The following GRAMD1C variants were observed in gnomAD, a reference collection of about 807,000 sequenced individuals.
The protein encoded by GRAMD1C is GRAM domain containing 1C.
In GRAMD1C, 89 loss-of-function variants were observed where a neutral mutation model predicts 97.8. That is an observed-to-expected ratio of 0.91 (90% CI 0.77 to 1.09). GRAMD1C has a LOEUF of 1.09. GRAMD1C is among the 50% of genes least tolerant of loss of function. The pLI, the probability that GRAMD1C is intolerant of heterozygous loss-of-function variation, is 0.00. For synonymous variants in GRAMD1C, 256 were observed against 267.0 expected (o/e 0.96, Z 0.40); for missense variants, 740 against 766.4 (o/e 0.97, Z 0.41).
intron 6 of GRAMD1C, among the ~76,000 whole-genome samples, chr3:113,899,126 A>C (rs941541143): frequency 6.6e-6 from 1 of 152,146 alleles, no homozygotes; most frequent in Admixed American, 6.5e-5. Flanking sequence ...GTCTATATTT[A>C]TCTCTACTAT....
chr3:113,885,462 G>A, intron 6 of GRAMD1C: 1 of 1,590,208 alleles, frequency 6.3e-7, no homozygotes, highest in South Asian at 1.1e-5. Flanking sequence ...CCCGGAATTG[G>A]CTAGCCCAGG....
intron 3 of GRAMD1C, among the ~76,000 whole-genome samples, chr3:113,871,025 A>ACG (rs1934790802): frequency 2.2e-4 from 1 of 4,512 alleles, no homozygotes; most frequent in African/African-American, 3.5e-4. Context: ...ACACACACAG[A>ACG]GGAATATTAA....
chr3:113,912,026 C>T (rs1936620959), intron 9 of GRAMD1C, among the ~76,000 whole-genome samples: 1 of 152,144 alleles, frequency 6.6e-6, no homozygotes, highest in Non-Finnish European at 1.5e-5. Flanking sequence ...CGCACCTGGC[C>T]AATTAACTTA....
Position 113,940,214 on chromosome 3 carries a change from T to A in GRAMD1C, c.1803-26T>A, listed in dbSNP as rs766927532. On this transcript the variant is annotated intron_variant, in intron 16 of 17. Coordinates refer to ENST00000358160, the MANE Select transcript of GRAMD1C (RefSeq NM_017577.5). ...AAAAGATCAGAAGCTATTCTCCAGA[T>A]TTTGAAGATGGCATTTTTCTTTCAG... The A allele has an allele frequency of 5.4e-6, 7 of 1,292,576 alleles. No homozygotes were observed. The South Asian group carries it at 8.4e-5, about 16-fold the overall frequency. The allele number at this position is 1,292,576 out of a possible 1,614,324, so 80.1% of individuals were successfully genotyped here. A position where few individuals can be genotyped will look rare whatever the true frequency, so the allele number is the denominator to read the frequency against.
intron 2 of GRAMD1C, among the ~76,000 whole-genome samples, chr3:113,854,666 G>C (rs1189722842): frequency 6.6e-6 from 1 of 152,076 alleles, no homozygotes; most frequent in South Asian, 2.1e-4. Flanking sequence ...GTTGTTTAAA[G>C]AAGGGCCAAA....
At chr3:113,925,040 T>C (rs1251691561) in intron 10 of GRAMD1C, among the ~76,000 whole-genome samples, 3 of 152,242 alleles carry the variant, frequency 2.0e-5, no homozygotes, top group Non-Finnish European at 2.9e-5. Flanking sequence ...ATTTGTCTTT[T>C]TAAATCATTG....
At chr3:113,865,273 A>G (rs1934541607) in intron 2 of GRAMD1C, among the ~76,000 whole-genome samples, 3 of 152,270 alleles carry the variant, frequency 2.0e-5, no homozygotes, top group South Asian at 2.1e-4. Flanking sequence ...TAAAGTTCCT[A>G]CCACCTCTCA....
chr3:113,936,249 GT>G lies in GRAMD1C; in HGVS notation c.1457-6del, dbSNP rs751275498. On this transcript the variant is annotated splice_polypyrimidine_tract_variant and intron_variant, in intron 13 of 17. Transcript: ENST00000358160. ...GAGCTTTCCTCACTATATAAAGATT[GT>G]TTTTTTTTTTCTTAGAATCAGATTT... 6.9e-3 allele frequency: 7,927 copies of G among 1,154,528 alleles called. 6 individuals are homozygous for G. The highest frequency in any genetic ancestry group is 9.5e-3 in the East Asian group (320 of 33,630). The allele number at this position is 1,154,528 out of a possible 1,614,324, so 71.5% of individuals were successfully genotyped here.
chr3:113,895,550 A>T (rs1324466691), intron 6 of GRAMD1C, among the ~76,000 whole-genome samples: 3 of 152,212 alleles, frequency 2.0e-5, no homozygotes, highest in Non-Finnish European at 4.4e-5. Flanking sequence ...CTGGAATTCC[A>T]AAAGTTTTCC....
At chr3:113,919,695 A>T (rs1936964982) in intron 10 of GRAMD1C, 3 of 629,146 alleles carry the variant, frequency 4.8e-6, no homozygotes, top group South Asian at 4.3e-5. Context: ...ACCTGTCCTG[A>T]TGTTAACAAC....
intron 10 of GRAMD1C, among the ~76,000 whole-genome samples, chr3:113,916,711 T>A (rs1168641996): frequency 6.6e-6 from 1 of 152,212 alleles, no homozygotes; most frequent in African/African-American, 2.4e-5. Context: ...CATGGAGCTG[T>A]ACACTTGAGA....
At chr3:113,937,753 C>G (rs1426112195) in intron 14 of GRAMD1C, among the ~76,000 whole-genome samples, 2 of 152,092 alleles carry the variant, frequency 1.3e-5, no homozygotes, top group Non-Finnish European at 2.9e-5. Flanking sequence ...GCCTGTAATC[C>G]CAGCACTTTG....
intron 6 of GRAMD1C, among the ~76,000 whole-genome samples, chr3:113,884,614 C>T (rs1294134829): frequency 3.3e-5 from 5 of 152,192 alleles, no homozygotes; most frequent in African/African-American, 7.2e-5. Context: ...GGGCGGATCA[C>T]GAGGTCAGGA....
upstream of GRAMD1C, among the ~76,000 whole-genome samples, chr3:113,836,888 C>T (rs372537836): frequency 1.3e-5 from 2 of 152,142 alleles, no homozygotes; most frequent in South Asian, 2.1e-4. Flanking sequence ...AGGTGATCCT[C>T]CCACCTCAGC....
Position 113,936,338 on chromosome 3 carries a change from G to A in GRAMD1C, c.1529G>A (p.Arg510Gln), listed in dbSNP as rs1362772324. 4 of 1,610,752 alleles carry A rather than the reference G, an allele frequency of 2.5e-6. No individual in the cohort carries two copies. The highest frequency in any genetic ancestry group is 1.3e-5 in the African/African-American group (1 of 74,798). Residue 510 changes from arginine to glutamine, a missense_variant, in exon 14 of 18, where the codon CGA becomes CAA. Coordinates refer to ENST00000358160, the MANE Select transcript of GRAMD1C (RefSeq NM_017577.5). Reference sequence around the variant, plus strand: ...GACCCTGGAAAACTTACTGGCCTACGAAGGAGAAGGCGAACCTTCAACCGA... The same window carrying A: ...GACCCTGGAAAACTTACTGGCCTACAAAGGAGAAGGCGAACCTTCAACCGA... ...IEDPGKLTGL[R>Q]RRRRTFNRTA...
intron 10 of GRAMD1C, among the ~76,000 whole-genome samples, chr3:113,923,423 T>C (rs569379987): frequency 2.6e-5 from 4 of 152,170 alleles, no homozygotes; most frequent in Non-Finnish European, 5.9e-5. Context: ...GTGACTCTTA[T>C]TATTTTGAGG....
chr3:113,897,725 T>C, intron 6 of GRAMD1C: 1 of 984,640 alleles, frequency 1.0e-6, no homozygotes, highest in Non-Finnish European at 1.2e-6. Flanking sequence ...CTTCTGACTT[T>C]TGAGCCTTAT....
At chr3:113,891,134 A>G (rs1335950970) in intron 6 of GRAMD1C, 1 of 172,300 alleles carries the variant, frequency 5.8e-6, no homozygotes, top group Non-Finnish European at 1.2e-5. Flanking sequence ...TCTCATTTTA[A>G]TAAACAGAAT....
At chr3:113,864,869 C>G (rs1212448619) in intron 2 of GRAMD1C, among the ~76,000 whole-genome samples, 1 of 152,208 alleles carries the variant, frequency 6.6e-6, no homozygotes. Context: ...CTCTAACCAT[C>G]ACCCAGTTCC....
Sources: gnomAD v4.1 joint callset for allele counts (sites outside exome capture counted in the v4.1 genomes callset) on GRCh38, gnomAD v4.1.1 for gene constraint, MANE v1.5 for transcripts, NCBI Gene and HGNC (gene_info 2026-07-23, HGNC 2026-07-21) for gene names.